Variants in MYRIP observed in about 807,000 individuals in gnomAD.
MYRIP encodes the protein rab effector MyRIP.
Under a neutral mutation model 98.0 loss-of-function variants are expected in MYRIP, and 49 were observed. The ratio of observed to expected loss-of-function variants is 0.50; its 90% CI spans 0.40 to 0.63. The LOEUF (loss-of-function observed/expected upper bound fraction) is 0.63. Among genes scored for constraint, MYRIP ranks in the 30% least tolerant of loss-of-function variants. MYRIP has a pLI of 0.00. For synonymous variants in MYRIP, 404 were observed against 409.5 expected (o/e 0.99, Z 0.16); for missense variants, 1,004 against 1,058.2 (o/e 0.95, Z 0.71).
intron 2 of MYRIP, among the ~76,000 whole-genome samples, chr3:39,917,787 GAT>G (rs1944199162): frequency 6.6e-6 from 1 of 152,086 alleles, no homozygotes; most frequent in Non-Finnish European, 1.5e-5. Flanking sequence ...CTCATGAAAA[GAT>G]CTTCTTGACC....
chr3:40,200,137 A>T (rs1951514977), intron 10 of MYRIP, among the ~76,000 whole-genome samples: 1 of 92,670 alleles, frequency 1.1e-5, no homozygotes, highest in Non-Finnish European at 2.6e-5. Flanking sequence ...TTTTTATCAT[A>T]GGCCCTTTTG....
chr3:39,981,901 A>G (rs1237267873), intron 2 of MYRIP, among the ~76,000 whole-genome samples: 1 of 152,178 alleles, frequency 6.6e-6, no homozygotes, highest in African/African-American at 2.4e-5. Context: ...AATAGGTTAA[A>G]TAAAAGTGAA....
At chr3:40,027,286 C>T (rs1442240527) in intron 2 of MYRIP, among the ~76,000 whole-genome samples, 1 of 152,136 alleles carries the variant, frequency 6.6e-6, no homozygotes, top group African/African-American at 2.4e-5. Context: ...GCCCAAACCT[C>T]AGTCACTCTC....
intron 2 of MYRIP, among the ~76,000 whole-genome samples, chr3:40,016,820 G>A (rs1270064649): frequency 1.3e-5 from 2 of 152,144 alleles, no homozygotes; most frequent in South Asian, 2.1e-4. Flanking sequence ...AAGTTTGTGC[G>A]GATTACAAGT....
intron 2 of MYRIP, among the ~76,000 whole-genome samples, chr3:39,935,535 C>G (rs959767290): frequency 1.3e-5 from 2 of 152,102 alleles, no homozygotes; most frequent in African/African-American, 4.8e-5. Context: ...CCACTGAGGA[C>G]CTTGGCTCAT....
chr3:39,954,598 A>C (rs1945108869), intron 2 of MYRIP, among the ~76,000 whole-genome samples: 1 of 152,166 alleles, frequency 6.6e-6, no homozygotes, highest in South Asian at 2.1e-4. Flanking sequence ...AATTCTAAAA[A>C]TCAGAGCACC....
At position 39,958,151 on chromosome 3, in the gene MYRIP, A is replaced by C. The variant is rs1384822809; in HGVS notation, c.110+57225A>C. On this transcript the variant is annotated intron_variant, in intron 2 of 16. Coordinates refer to ENST00000302541, the MANE Select transcript of MYRIP (RefSeq NM_015460.4). ...TGCCATCCCTATCAAGCTACCAATG[A>C]CTTTCTTCACAGAATTGGAAAAATT... is the stretch of plus-strand genomic sequence containing the variant. 3.9e-5 allele frequency among the ~76,000 whole-genome samples: 6 copies of C among 152,176 alleles called. No individual in the cohort carries two copies. In the East Asian group the frequency reaches 1.2e-3, roughly 29 times the overall value.
intron 8 of MYRIP, among the ~76,000 whole-genome samples, chr3:40,178,800 C>A (rs1416763281): frequency 6.6e-6 from 1 of 152,164 alleles, no homozygotes; most frequent in Non-Finnish European, 1.5e-5. Flanking sequence ...AGGTATCACC[C>A]ATAAGTTAAT....
At chr3:39,919,927 C>G (rs1363508967) in intron 2 of MYRIP, among the ~76,000 whole-genome samples, 1 of 152,004 alleles carries the variant, frequency 6.6e-6, no homozygotes, top group African/African-American at 2.4e-5. Context: ...TGTTTTGTAG[C>G]TAGAGTATCC....
intron 3 of MYRIP, among the ~76,000 whole-genome samples, chr3:40,136,743 A>C (rs996480208): frequency 6.6e-6 from 1 of 152,198 alleles, no homozygotes; most frequent in African/African-American, 2.4e-5. Flanking sequence ...CGCAAAACTG[A>C]TCAACTACAT....
At chr3:40,244,064 G>A (rs1953108457) in intron 12 of MYRIP, among the ~76,000 whole-genome samples, 1 of 151,942 alleles carries the variant, frequency 6.6e-6, no homozygotes, top group Non-Finnish European at 1.5e-5. Context: ...ATTACTAAAT[G>A]CCAACCAAAA....
chr3:40,137,369 A>C (rs1486449900), intron 3 of MYRIP, among the ~76,000 whole-genome samples: 1 of 152,190 alleles, frequency 6.6e-6, no homozygotes, highest in Non-Finnish European at 1.5e-5. Flanking sequence ...CAATAACAGG[A>C]GCTGAAATTG....
chr3:39,918,767 G>A (rs538164885), intron 2 of MYRIP, among the ~76,000 whole-genome samples: 1 of 152,310 alleles, frequency 6.6e-6, no homozygotes, highest in South Asian at 2.1e-4. Flanking sequence ...CAAAAAACAG[G>A]TTATGGTGGT....
chr3:40,238,900 T>A (rs924434441), intron 12 of MYRIP, among the ~76,000 whole-genome samples: 7 of 152,154 alleles, frequency 4.6e-5, no homozygotes, highest in Non-Finnish European at 5.9e-5. Flanking sequence ...GGTATTTTTT[T>A]ATTTTTATTT....
chr3:40,138,773 A>G (rs148261981), intron 3 of MYRIP, among the ~76,000 whole-genome samples: 11 of 152,342 alleles, frequency 7.2e-5, no homozygotes, highest in Admixed American at 1.3e-4. Context: ...CATAGCTACC[A>G]TCTCAAACAT....
chr3:39,930,334 GT>G (rs760815286), intron 2 of MYRIP, among the ~76,000 whole-genome samples: 9 of 151,864 alleles, frequency 5.9e-5, no homozygotes, highest in Non-Finnish European at 1.3e-4. Flanking sequence ...TTGGCCATTT[GT>G]GTATCTTTTT....
chr3:39,812,529 G>A (rs1231238808), intron 1 of MYRIP, among the ~76,000 whole-genome samples: 1 of 152,144 alleles, frequency 6.6e-6, no homozygotes, highest in African/African-American at 2.4e-5. Flanking sequence ...CGGCTGGTTT[G>A]TTCCCATAAG....
rs373599322 is a variant in MYRIP at position 40,233,847 on chromosome 3, C to T, written c.1906-12C>T. 30 of 1,607,660 alleles carry T rather than the reference C, an allele frequency of 1.9e-5. No homozygotes were observed. Among genetic ancestry groups the T allele is most frequent in the African/African-American group, 6.7e-5 (5 of 74,520 alleles). The stretch of plus-strand genomic sequence containing the variant: ...CTTGTCTTCTGTCCCCTTCTGTTAT[C>T]GGACCAAACAGAAGTTTTCTGCTGT... On this transcript the variant is annotated splice_polypyrimidine_tract_variant and intron_variant, in intron 11 of 16. Transcript: ENST00000302541.
intron 2 of MYRIP, among the ~76,000 whole-genome samples, chr3:40,016,601 C>T (rs1002233233): frequency 9.2e-5 from 14 of 152,166 alleles, no homozygotes; most frequent in Non-Finnish European, 1.2e-4. Context: ...CCTTGCTCAG[C>T]GGGTTGTCCT....
Sources: allele counts gnomAD v4.1 joint callset (sites outside exome capture counted in the v4.1 genomes callset), GRCh38; gene constraint gnomAD v4.1.1; transcripts MANE v1.5; gene names NCBI Gene and HGNC (gene_info 2026-07-23, HGNC 2026-07-21).